Variants in ALCAM observed in about 807,000 individuals in gnomAD.
ALCAM encodes activated leukocyte cell adhesion molecule.
A neutral mutation model predicts 70.9 loss-of-function variants in ALCAM; 30 were observed. The ratio of observed to expected loss-of-function variants is 0.42; its 90% confidence interval spans 0.32 to 0.57. The LOEUF (loss-of-function observed/expected upper bound fraction) is 0.57. Ranked by LOEUF, ALCAM falls within the 20% of genes least tolerant of loss-of-function variation. The pLI, the probability that ALCAM is intolerant of heterozygous loss-of-function variation, is 0.11. For synonymous variants in ALCAM, 249 were observed against 242.5 expected, an observed-to-expected ratio of 1.03 and a Z score of -0.25; for missense variants, 591 against 695.1, an observed-to-expected ratio of 0.85 and a Z score of 1.68.
At chr3:105,450,789 G>T (rs1937407903) in intron 1 of ALCAM, among the ~76,000 whole-genome samples, 1 of 152,128 alleles carries the variant, frequency 6.6e-6, no homozygotes, top group Non-Finnish European at 1.5e-5. Flanking sequence ...TCCAATGTCT[G>T]TTGGGGGCAA....
intron 1 of ALCAM, among the ~76,000 whole-genome samples, chr3:105,515,874 C>T (rs1939367683): frequency 6.6e-6 from 1 of 151,986 alleles, no homozygotes; most frequent in African/African-American, 2.4e-5. Flanking sequence ...TAAGGATAAA[C>T]TTCTCATTTC....
At chr3:105,530,368 G>A (rs766915751) in intron 3 of ALCAM, among the ~76,000 whole-genome samples, 1 of 151,966 alleles carries the variant, frequency 6.6e-6, no homozygotes. Context: ...TTACTCTTAC[G>A]TGAAAGGCTT....
intron 1 of ALCAM, among the ~76,000 whole-genome samples, chr3:105,517,424 C>T (rs1444285495): frequency 6.6e-6 from 1 of 152,056 alleles, no homozygotes; most frequent in African/African-American, 2.4e-5. Flanking sequence ...TCGTCCTGCT[C>T]TTCAAAGTTC....
At chr3:105,447,617 G>T (rs1465762253) in intron 1 of ALCAM, among the ~76,000 whole-genome samples, 7 of 152,192 alleles carry the variant, frequency 4.6e-5, no homozygotes, top group African/African-American at 1.7e-4. Context: ...GGAGACTGAG[G>T]CAGGAGGATT....
intron 1 of ALCAM, among the ~76,000 whole-genome samples, chr3:105,413,883 G>A (rs554134812): frequency 2.6e-4 from 40 of 152,070 alleles, no homozygotes; most frequent in African/African-American, 8.4e-4. Flanking sequence ...AATTAGTTAG[G>A]CCTAATATGG....
chr3:105,552,798 G>A (rs183056368), intron 14 of ALCAM: 162 of 1,350,304 alleles, frequency 1.2e-4, no homozygotes, highest in Middle Eastern at 8.2e-4. Context: ...ACATGTGTCC[G>A]TTTATTTGTC....
intron 14 of ALCAM, among the ~76,000 whole-genome samples, chr3:105,553,967 G>A (rs1006233672): frequency 7.2e-5 from 11 of 151,820 alleles, no homozygotes; most frequent in African/African-American, 2.2e-4. Context: ...TGATGCACAC[G>A]ATGTCCACTC....
intron 14 of ALCAM, among the ~76,000 whole-genome samples, chr3:105,570,787 T>G (rs893201433): frequency 6.6e-6 from 1 of 152,196 alleles, no homozygotes; most frequent in Admixed American, 6.5e-5. Context: ...CACAAATGAA[T>G]AAATCTGAGA....
At chr3:105,373,696 C>T (rs1311979248) in intron 1 of ALCAM, among the ~76,000 whole-genome samples, 1 of 152,118 alleles carries the variant, frequency 6.6e-6, no homozygotes, top group Non-Finnish European at 1.5e-5. Flanking sequence ...TTCAGTTGAA[C>T]ATAAATTTTT....
At chr3:105,435,768 G>T (rs1034519198) in intron 1 of ALCAM, among the ~76,000 whole-genome samples, 5 of 152,056 alleles carry the variant, frequency 3.3e-5, no homozygotes, top group Non-Finnish European at 7.4e-5. Flanking sequence ...AACCTGGGAA[G>T]AAAAAGAGGT....
At chr3:105,494,858 G>A (rs576961590) in intron 1 of ALCAM, among the ~76,000 whole-genome samples, 89 of 151,994 alleles carry the variant, frequency 5.9e-4, no homozygotes, top group African/African-American at 2.1e-3. Context: ...ATGGAATCTT[G>A]CCATGTTGCC....
chr3:105,531,563 G>A (rs1939840522), intron 3 of ALCAM, among the ~76,000 whole-genome samples: 2 of 151,874 alleles, frequency 1.3e-5, no homozygotes, highest in South Asian at 2.1e-4. Context: ...AGGCCAAATA[G>A]GGCTCAGAAA....
At chr3:105,447,299 T>C (rs539108624) in intron 1 of ALCAM, among the ~76,000 whole-genome samples, 20 of 152,292 alleles carry the variant, frequency 1.3e-4, no homozygotes, top group African/African-American at 4.6e-4. Flanking sequence ...AATTAGAATG[T>C]TGAGCTAAGA....
rs751853359 is a variant in ALCAM, at chr3:105,571,802, G to A, written c.1665-50G>A. The A allele has an allele frequency of 1.5e-5, 19 of 1,292,672 alleles. No homozygotes were observed. The East Asian group carries it at 3.0e-4, about 21-fold the overall frequency. The allele number at this position is 1,292,672 out of a possible 1,614,324, so 80.1% of individuals were successfully genotyped here. A position where few individuals can be genotyped will look rare whatever the true frequency, so the allele number is the denominator to read the frequency against. On this transcript the variant is annotated intron_variant, in intron 14 of 15. Coordinates refer to ENST00000306107, the MANE Select transcript of ALCAM (RefSeq NM_001627.4). ...TCAAATCTTAAAATTAAATATAAAA[G>A]TTGAACATGTATGTGTCAATATGAT...
At chr3:105,431,587 T>G (rs1936934009) in intron 1 of ALCAM, among the ~76,000 whole-genome samples, 1 of 152,090 alleles carries the variant, frequency 6.6e-6, no homozygotes, top group South Asian at 2.1e-4. Context: ...GGAAATAGAC[T>G]GTAACTCCGT....
intron 1 of ALCAM, among the ~76,000 whole-genome samples, chr3:105,367,787 G>A (rs1015103744): frequency 1.3e-5 from 2 of 152,280 alleles, no homozygotes; most frequent in Admixed American, 1.3e-4. Context: ...CCAGCTAGGC[G>A]GCGGACTCTT....
chr3:105,418,457 A>T (rs2007688), intron 1 of ALCAM, among the ~76,000 whole-genome samples: 24,078 of 151,640 alleles, frequency 0.16, 2,188 homozygotes, highest in East Asian at 0.37. Flanking sequence ...GATCAAGCAG[A>T]TGTGCCTCTT....
intron 1 of ALCAM, among the ~76,000 whole-genome samples, chr3:105,495,304 T>C (rs1046282575): frequency 6.6e-6 from 1 of 152,178 alleles, no homozygotes; most frequent in Admixed American, 6.5e-5. Flanking sequence ...TTGAAACCAC[T>C]TGGGGGCTGC....
At chr3:105,422,316 C>A (rs1158677860) in intron 1 of ALCAM, among the ~76,000 whole-genome samples, 1 of 151,286 alleles carries the variant, frequency 6.6e-6, no homozygotes, top group Non-Finnish European at 1.5e-5. Context: ...GTGCACATGT[C>A]TTTTTCATAT....
Sources: gnomAD v4.1 joint callset for allele counts (sites outside exome capture counted in the v4.1 genomes callset) on GRCh38, gnomAD v4.1.1 for gene constraint, MANE v1.5 for transcripts, NCBI Gene and HGNC (gene_info 2026-07-23, HGNC 2026-07-21) for gene names.